The following GABRA4 variants were observed in gnomAD, a reference collection of about 807,000 sequenced individuals.
GABRA4 encodes gamma-aminobutyric acid receptor subunit alpha-4.
A neutral mutation model predicts 49.7 loss-of-function variants in GABRA4; 12 were observed. That is an observed-to-expected ratio of 0.24 (90% CI 0.15 to 0.39). The LOEUF is 0.39. GABRA4 is among the 10% of genes least tolerant of loss of function. The probability of loss-of-function intolerance (pLI) is 1.00; values close to 1 mark genes in which losing one functional copy is unlikely to be tolerated. For missense variants in GABRA4, 506 were observed against 686.0 expected (o/e 0.74, Z 2.93); for synonymous variants, 288 against 240.2 (o/e 1.20, Z -1.84).
rs1318307184 is a variant in GABRA4, at chr4:46,920,687, T to A, written c.*7538A>T. On this transcript the variant is annotated 3_prime_UTR_variant, in exon 9 of 9. Transcript: ENST00000264318. ...ACACACTCACACCAAAATTCCAATG[T>A]ATTACAGGGAGGTATTTCCAAATTA... 6.6e-6 allele frequency: 1 copy of A among 151,748 alleles called. No individual in the cohort carries two copies. The highest frequency in any genetic ancestry group is 1.5e-5 in the Non-Finnish European group (1 of 67,746). 9.4% of individuals were successfully genotyped at this position (151,748 alleles called of 1,614,324 possible).
rs112280987 is a variant in GABRA4, at chr4:46,962,850, G to T, written c.1134+2120C>A. Among the ~76,000 whole-genome samples, 407 of 151,818 alleles carry T rather than the reference G, an allele frequency of 2.7e-3. 2 individuals are homozygous for T. Among genetic ancestry groups the T allele is most frequent in the African/African-American group, 8.9e-3 (371 of 41,480 alleles). On this transcript the variant is annotated intron_variant, in intron 8 of 8. Transcript: ENST00000264318. ...TCAACACAGGTGCCAAGAATATACAGCTGGAAAAAGACGGTCCCTTCAATA... is the reference window on the plus strand; with the variant it reads ...TCAACACAGGTGCCAAGAATATACATCTGGAAAAAGACGGTCCCTTCAATA...
intron 8 of GABRA4, among the ~76,000 whole-genome samples, chr4:46,962,402 G>T (rs1424395503): frequency 2.0e-5 from 3 of 151,638 alleles, no homozygotes; most frequent in East Asian, 1.9e-4. Context: ...CTTTACCAAA[G>T]AAATGAAAGA....
At chr4:46,948,335 AG>A (rs1368256734) in intron 8 of GABRA4, among the ~76,000 whole-genome samples, 1 of 152,112 alleles carries the variant, frequency 6.6e-6, no homozygotes, top group Admixed American at 6.6e-5. Context: ...ATCCTCTGCC[AG>A]AAAAGAGGAT....
chr4:46,941,958 T>A (rs1009779855), intron 8 of GABRA4, among the ~76,000 whole-genome samples: 5 of 152,138 alleles, frequency 3.3e-5, no homozygotes, highest in African/African-American at 1.2e-4. Flanking sequence ...TTAAAAATAT[T>A]TGCACTTACT....
At chr4:46,988,647 C>T (rs574357111) in intron 2 of GABRA4, among the ~76,000 whole-genome samples, 2 of 152,146 alleles carry the variant, frequency 1.3e-5, no homozygotes, top group Non-Finnish European at 2.9e-5. Flanking sequence ...GTTTTCTTTA[C>T]TATTTGAAAG....
intron 1 of GABRA4, 129 bp from the exon 2 acceptor site, chr4:46,993,075 G>T (rs1723828560): frequency 1.3e-6 from 1 of 759,882 alleles, no homozygotes; most frequent in Admixed American, 2.5e-5. Context: ...AGGAGGTTGG[G>T]GGTTGGGATG....
chr4:46,967,369 TAATAGGA>T (rs1722800502), intron 7 of GABRA4, among the ~76,000 whole-genome samples: 1 of 151,308 alleles, frequency 6.6e-6, no homozygotes. Context: ...TTTTTTTTTG[TAATAGGA>T]CTATTTTTCT....
In GABRA4 at chr4:46,920,597, T is replaced by A. The variant is rs1314438263; in HGVS notation, c.*7628A>T. On this transcript the variant is annotated 3_prime_UTR_variant, in exon 9 of 9. Transcript: ENST00000264318. ...GAGAATTTTTATCAAATTGTGTAAATCCACATTATCTCCATATTTTACATT... is the reference window on the plus strand; with the variant it reads ...GAGAATTTTTATCAAATTGTGTAAAACCACATTATCTCCATATTTTACATT... 1 of 151,708 alleles carries A rather than the reference T, an allele frequency of 6.6e-6. No individual in the cohort carries two copies. The highest frequency in any genetic ancestry group is 1.5e-5 in the Non-Finnish European group (1 of 67,698). 9.4% of individuals were successfully genotyped at this position (151,708 alleles called of 1,614,324 possible).
At chr4:46,977,916 C>T (rs1723203814) in intron 3 of GABRA4, among the ~76,000 whole-genome samples, 1 of 151,836 alleles carries the variant, frequency 6.6e-6, no homozygotes, top group Non-Finnish European at 1.5e-5. Flanking sequence ...AAGAAAACTG[C>T]CAGTACCAGG....
chr4:46,983,540 T>A (rs1041000003), intron 2 of GABRA4, among the ~76,000 whole-genome samples: 1 of 152,114 alleles, frequency 6.6e-6, no homozygotes, highest in South Asian at 2.1e-4. Context: ...TCCACAGCAG[T>A]TAAACTAAAA....
intron 8 of GABRA4, among the ~76,000 whole-genome samples, chr4:46,950,282 A>G (rs1408549305): frequency 6.6e-6 from 1 of 152,066 alleles, no homozygotes; most frequent in Non-Finnish European, 1.5e-5. Context: ...CCCAGAGAGG[A>G]TGTGCCCCCA....
At position 46,919,287 on chromosome 4, in the gene GABRA4, T is replaced by C. The variant is rs977409617; in HGVS notation, c.*8938A>G. 3 of 151,718 alleles carry C rather than the reference T, an allele frequency of 2.0e-5. No individual in the cohort carries two copies. Among genetic ancestry groups the C allele is most frequent in the African/African-American group, 7.2e-5 (3 of 41,558 alleles). The allele number at this position is 151,718 out of a possible 1,614,324, so 9.4% of individuals were successfully genotyped here. ...ACCAATATTTGATAATGCTCCTTTT[T>C]TTCAAAATAAATTTGCAAAAACAAA... On this transcript the variant is annotated 3_prime_UTR_variant, in exon 9 of 9. Transcript: ENST00000264318.
intron 7 of GABRA4, among the ~76,000 whole-genome samples, chr4:46,967,971 G>A (rs1014486932): frequency 6.2e-4 from 94 of 151,622 alleles, no homozygotes; most frequent in African/African-American, 2.2e-3. Context: ...GAGGCATACA[G>A]CTTTGGAGAT....
intron 2 of GABRA4, among the ~76,000 whole-genome samples, chr4:46,991,438 A>G (rs1323865691): frequency 6.6e-6 from 1 of 152,184 alleles, no homozygotes; most frequent in Admixed American, 6.5e-5. Context: ...TTTAAACTTG[A>G]CATTTCAAGT....
In GABRA4 at chr4:46,922,093, T is replaced by C. The variant is rs1721054639; in HGVS notation, c.*6132A>G. 1 of 152,148 alleles carries C rather than the reference T, an allele frequency of 6.6e-6. No homozygotes were observed. Among genetic ancestry groups the C allele is most frequent in the Non-Finnish European group, 1.5e-5 (1 of 68,026 alleles). 9.4% of individuals were successfully genotyped at this position (152,148 alleles called of 1,614,324 possible). A position where few individuals can be genotyped will look rare whatever the true frequency, so the allele number is the denominator to read the frequency against. The stretch of plus-strand genomic sequence containing the variant: ...AATGTAGAGGTAAAGATAAAAATTC[T>C]GATAGACTATATTTGAGAGTTGTGA... On this transcript the variant is annotated 3_prime_UTR_variant, in exon 9 of 9. Transcript: ENST00000264318.
At chr4:46,929,943 G>T (rs1021089581) in intron 8 of GABRA4, among the ~76,000 whole-genome samples, 4 of 151,980 alleles carry the variant, frequency 2.6e-5, no homozygotes, top group African/African-American at 9.7e-5. Flanking sequence ...TATATGAAGT[G>T]GGTAGATTAT....
In GABRA4 at chr4:46,977,025, A is replaced by C. The variant is rs370793144; in HGVS notation, c.577+36T>G. 6 of 1,161,116 alleles carry C rather than the reference A, an allele frequency of 5.2e-6. No individual in the cohort carries two copies. The African/African-American group carries it at 9.2e-5, about 18-fold the overall frequency. 71.9% of individuals were successfully genotyped at this position (1,161,116 alleles called of 1,614,324 possible). ...TGTAAATATTAGCTTGCATGAGGTA[A>C]TCATAAATTCTAGCAAAATTTTTAT... is the stretch of plus-strand genomic sequence containing the variant. On this transcript the variant is annotated intron_variant, in intron 5 of 8. Coordinates refer to ENST00000264318, the MANE Select transcript of GABRA4 (RefSeq NM_000809.4).
At chr4:46,937,203 A>G (rs1269349040) in intron 8 of GABRA4, among the ~76,000 whole-genome samples, 1 of 152,204 alleles carries the variant, frequency 6.6e-6, no homozygotes, top group Admixed American at 6.5e-5. Context: ...GTGCGGACGC[A>G]GTAAGAAAAC....
intron 8 of GABRA4, among the ~76,000 whole-genome samples, chr4:46,954,222 C>T (rs563188185): frequency 6.6e-6 from 1 of 152,130 alleles, no homozygotes; most frequent in South Asian, 2.1e-4. Context: ...AGCCATCCTT[C>T]CTCTAATCAG....
Sources: allele counts gnomAD v4.1 joint callset (sites outside exome capture counted in the v4.1 genomes callset), GRCh38; gene constraint gnomAD v4.1.1; transcripts MANE v1.5; gene names NCBI Gene and HGNC (gene_info 2026-07-23, HGNC 2026-07-21).